Variants in AHDC1 observed in about 807,000 individuals in gnomAD.
The protein encoded by AHDC1 is transcription factor Gibbin.
A neutral mutation model predicts 87.9 loss-of-function variants in AHDC1; 7 were observed. That is an observed-to-expected ratio of 0.08 (90% CI 0.05 to 0.15). The LOEUF (loss-of-function observed/expected upper bound fraction) is 0.15, where lower values mean the gene tolerates loss of function less well. Ranked by LOEUF, AHDC1 falls within the 10% of genes least tolerant of loss-of-function variation. The pLI is 1.00. For missense variants in AHDC1, 1,841 were observed against 2,253.2 expected, an observed-to-expected ratio of 0.82 and a Z score of 3.70; for synonymous variants, 1,051 against 1,006.8, an observed-to-expected ratio of 1.04 and a Z score of -0.83.
intron 3 of AHDC1, among the ~76,000 whole-genome samples, 165 bp from the exon 4 acceptor site, chr1:27,559,048 T>TA (rs980559752): frequency 1.8e-4 from 27 of 148,106 alleles, no homozygotes; most frequent in East Asian, 3.9e-4. Flanking sequence ...AGACTCTTTT[T>TA]AAAAAAAAAA....
In AHDC1 at chr1:27,595,441, G is replaced by A. The variant is rs1163242823; in HGVS notation, c.-629+7956C>T. ...TGGATAGGGGGTTGATATGCTGAGG[G>A]TGTGATAGCTGTGTGTGTGTGTGTG... On this transcript the variant is annotated intron_variant, in intron 3 of 8. Transcript: ENST00000673934. This position sits in a 1 kb window ranked among gnomAD's most constrained non-coding sequence, Gnocchi z 4.0. Among the ~76,000 whole-genome samples the A allele has an allele frequency of 7.1e-6, 1 of 140,072 alleles. No homozygotes were observed. The highest frequency in any genetic ancestry group is 1.5e-5 in the Non-Finnish European group (1 of 66,098). 91.9% of individuals were successfully genotyped at this position (140,072 alleles called of 152,430 possible). A position where few individuals can be genotyped will look rare whatever the true frequency, so the allele number is the denominator to read the frequency against.
rs2020100092 is a variant in AHDC1, at chr1:27,561,832, ACGCACAAACACAAAAGCAG to A, written c.-628-2968_-628-2950del. On this transcript the variant is annotated intron_variant, in intron 3 of 8. Transcript: ENST00000673934. This position sits in a 1 kb window ranked among gnomAD's most constrained non-coding sequence, Gnocchi z 4.2. ...GAAAGACAGAAACTGGAAGACGGGC[ACGCACAAACACAAAAGCAG>A]AGACGGACTGGTGATGAGGGGCTCA... 6.6e-6 allele frequency among the ~76,000 whole-genome samples: 1 copy of A among 152,132 alleles called. No homozygotes were observed. Among genetic ancestry groups the A allele is most frequent in the Non-Finnish European group, 1.5e-5 (1 of 67,996 alleles).
At chr1:27,545,956 T>A (rs999465896) in intron 8 of AHDC1, among the ~76,000 whole-genome samples, 2 of 152,176 alleles carry the variant, frequency 1.3e-5, no homozygotes, top group African/African-American at 4.8e-5. Flanking sequence ...CTTTGTCACC[T>A]TCAGGCACCA....
intron 3 of AHDC1, among the ~76,000 whole-genome samples, chr1:27,572,680 G>A (rs2088572936): frequency 2.0e-5 from 3 of 152,216 alleles, no homozygotes; most frequent in Admixed American, 2.0e-4. Flanking sequence ...ACGCAGTGTG[G>A]GACTGTGCTG....
At chr1:27,589,556 G>A (rs761515216) in intron 3 of AHDC1, among the ~76,000 whole-genome samples, 1 of 152,170 alleles carries the variant, frequency 6.6e-6, no homozygotes, top group Non-Finnish European at 1.5e-5. Context: ...AGGGCACATT[G>A]TGCTTTTGAG....
rs754022008 is a variant in AHDC1, at chr1:27,549,060, C to T, written c.3056G>A (p.Gly1019Asp). Residue 1019 changes from glycine (G) to aspartate (D), a missense_variant, in exon 8 of 9, where the codon GGC becomes GAC. Physicochemically the swap from Gly to Asp is moderately conservative, Grantham distance 94. Transcript: ENST00000673934. ...GCCCCCGGTAGGCGGTGGGGCATAG[C>T]CGGCGCTGTGGGCGCTGCTGGGTGA... The part of the protein sequence containing the change: ...PASPSSAHSA[G>D]YAPPPTGGPC... 6.4e-7 allele frequency: 1 copy of T among 1,571,406 alleles called. No individual in the cohort carries two copies. Among genetic ancestry groups the T allele is most frequent in the Non-Finnish European group, 8.6e-7 (1 of 1,158,190 alleles).
chr1:27,578,628 C>G (rs1262488476), intron 3 of AHDC1, among the ~76,000 whole-genome samples: 1 of 151,410 alleles, frequency 6.6e-6, no homozygotes, highest in Non-Finnish European at 1.5e-5. Context: ...ATTAATTCCA[C>G]TTACTTCCTT....
chr1:27,545,826 T>G (rs2019138325), intron 8 of AHDC1, among the ~76,000 whole-genome samples: 1 of 151,978 alleles, frequency 6.6e-6, no homozygotes, highest in Non-Finnish European at 1.5e-5. Context: ...TAAATTTCCT[T>G]GAAAAGATGG....
chr1:27,557,849 T>C (rs1023185236), intron 5 of AHDC1, among the ~76,000 whole-genome samples: 4 of 152,152 alleles, frequency 2.6e-5, no homozygotes, highest in African/African-American at 9.7e-5. Context: ...CCCAGCCCAG[T>C]CCACTTACAC....
rs372265193 is a variant in AHDC1 at position 27,595,450 on chromosome 1, C to CTGTGTGTGTGTGTG, written c.-629+7933_-629+7946dup. Among the ~76,000 whole-genome samples, 481 of 144,784 alleles carry CTGTGTGTGTGTGTG rather than the reference C, an allele frequency of 3.3e-3. 3 individuals are homozygous for CTGTGTGTGTGTGTG. Among genetic ancestry groups the CTGTGTGTGTGTGTG allele is most frequent in the African/African-American group, 0.012 (464 of 38,822 alleles). 95.0% of individuals were successfully genotyped at this position (144,784 alleles called of 152,430 possible). A position where few individuals can be genotyped will look rare whatever the true frequency, so the allele number is the denominator to read the frequency against. On this transcript the variant is annotated intron_variant, in intron 3 of 8. Coordinates refer to ENST00000673934, the MANE Select transcript of AHDC1 (RefSeq NM_001371928.1). This position sits in a 1 kb window ranked among gnomAD's most constrained non-coding sequence, Gnocchi z 4.0. ...GGTTGATATGCTGAGGGTGTGATAGCTGTGTGTGTGTGTGTGTGTGATTGT... is the reference window on the plus strand; with the variant it reads ...GGTTGATATGCTGAGGGTGTGATAGCTGTGTGTGTGTGTGTGTGTGTGTGTGTGTGTGTGATTGT...
chr1:27,596,900 G>A (rs1229282358), intron 3 of AHDC1, among the ~76,000 whole-genome samples: 3 of 151,872 alleles, frequency 2.0e-5, no homozygotes, highest in Non-Finnish European at 2.9e-5. Flanking sequence ...TGTCACACCC[G>A]TACCCTATCT....
At chr1:27,571,210 C>T (rs1374410489) in intron 3 of AHDC1, among the ~76,000 whole-genome samples, 1 of 152,102 alleles carries the variant, frequency 6.6e-6, no homozygotes, top group Non-Finnish European at 1.5e-5. Flanking sequence ...TCTCTGCCAC[C>T]CCAAATGTCC....
chr1:27,549,518 C>A lies in AHDC1; in HGVS notation c.2598G>T (p.Lys866Asn), dbSNP rs147692518. Residue 866 changes from lysine (K) to asparagine (N), a missense_variant, in exon 8 of 9, where the codon AAG becomes AAT. Coordinates refer to ENST00000673934, the MANE Select transcript of AHDC1 (RefSeq NM_001371928.1). ...GTGGCCCTGCATAGGTGCCCGATGC[C>A]TTCCGGGACTCTGGGCGAGAGGCTG... Reference protein sequence around the residue: ...ALSASRPESRKASGTYAGPPT... With the variant: ...ALSASRPESRNASGTYAGPPT... 2 of 1,613,196 alleles carry A rather than the reference C, an allele frequency of 1.2e-6. No individual in the cohort carries two copies. Among genetic ancestry groups the A allele is most frequent in the Non-Finnish European group, 1.7e-6 (2 of 1,179,994 alleles).
chr1:27,588,644 T>C (rs560893260), intron 3 of AHDC1, among the ~76,000 whole-genome samples: 84 of 152,106 alleles, frequency 5.5e-4, no homozygotes, highest in African/African-American at 2.0e-3. Flanking sequence ...AGGAAAATGA[T>C]GGTGTGAGGG....
At chr1:27,567,336 GA>G (rs2020365381) in intron 3 of AHDC1, among the ~76,000 whole-genome samples, 1 of 152,146 alleles carries the variant, frequency 6.6e-6, no homozygotes, top group African/African-American at 2.4e-5. Flanking sequence ...CTCCAAGTCA[GA>G]ATCCCAATTG....
rs146017757 is a variant in AHDC1, at chr1:27,576,740, G to T, written c.-628-17857C>A. Among the ~76,000 whole-genome samples, 355 of 152,242 alleles carry T rather than the reference G, an allele frequency of 2.3e-3. 1 individual carries two copies. Among genetic ancestry groups the T allele is most frequent in the Non-Finnish European group, 3.3e-3 (226 of 68,006 alleles). On this transcript the variant is annotated intron_variant, in intron 3 of 8. Coordinates refer to ENST00000673934, the MANE Select transcript of AHDC1 (RefSeq NM_001371928.1). Reference sequence around the variant, plus strand: ...TCTGGTCCCAGTTCCAGGCATGAGGGGCTGTTCTCAACAGCTCCACTGGGG... The same window carrying T: ...TCTGGTCCCAGTTCCAGGCATGAGGTGCTGTTCTCAACAGCTCCACTGGGG...
chr1:27,589,130 G>T (rs575371020), intron 3 of AHDC1, among the ~76,000 whole-genome samples: 6 of 152,140 alleles, frequency 3.9e-5, no homozygotes, highest in Middle Eastern at 3.4e-3. Flanking sequence ...GGCCCAGGGT[G>T]GGGGGTTCTG....
At chr1:27,585,253 C>T in intron 3 of AHDC1, among the ~76,000 whole-genome samples, 1 of 66,336 alleles carries the variant, frequency 1.5e-5, no homozygotes, top group African/African-American at 5.5e-5. Flanking sequence ...GACCCTGTCT[C>T]AAAAAAAAAA....
chr1:27,589,278 T>C (rs532115190), intron 3 of AHDC1, among the ~76,000 whole-genome samples: 2 of 152,244 alleles, frequency 1.3e-5, no homozygotes, highest in Non-Finnish European at 2.9e-5. Flanking sequence ...TCTGGGCATT[T>C]CTTTGTCTTT....
Sources: allele counts gnomAD v4.1 joint callset (sites outside exome capture counted in the v4.1 genomes callset), GRCh38; gene constraint gnomAD v4.1.1; non-coding constraint Gnocchi (gnomAD v3.1); transcripts MANE v1.5; gene names NCBI Gene and HGNC (gene_info 2026-07-23, HGNC 2026-07-21).